Variants in KPNA4 observed in about 807,000 individuals in gnomAD.
The protein encoded by KPNA4 is importin subunit alpha-3.
In KPNA4, 13 loss-of-function variants were observed where a neutral mutation model predicts 71.3. That is an observed-to-expected ratio of 0.18 (90% CI 0.12 to 0.29). The LOEUF is 0.29. Ranked by LOEUF, KPNA4 falls within the 10% of genes least tolerant of loss-of-function variation. KPNA4 has a pLI of 1.00. For missense variants in KPNA4, 334 were observed against 603.2 expected (o/e 0.55, Z 4.67); for synonymous variants, 189 against 195.2 (o/e 0.97, Z 0.26).
intron 16 of KPNA4, among the ~76,000 whole-genome samples, chr3:160,504,020 G>T (rs1720935171): frequency 6.6e-6 from 1 of 152,106 alleles, no homozygotes; most frequent in Admixed American, 6.5e-5. Flanking sequence ...GGAGGGGGAG[G>T]TTGCAGTGAG....
chr3:160,550,548 A>G (rs1722020745), intron 1 of KPNA4, among the ~76,000 whole-genome samples: 1 of 152,208 alleles, frequency 6.6e-6, no homozygotes. Context: ...ACTTATATGC[A>G]TGAGCCAGCA....
rs55735627 is a variant in KPNA4, at chr3:160,525,386, TTGTGTG to T, written c.771+408_771+413del. On this transcript the variant is annotated intron_variant, in intron 10 of 16. Coordinates refer to ENST00000334256, the MANE Select transcript of KPNA4 (RefSeq NM_002268.5). ...TTTCAAAAAACAAAAATAGCACTATTTGTGTGTGCTTTCATTGGCCAAACTGTCAAA... is the reference window on the plus strand; with the variant it reads ...TTTCAAAAAACAAAAATAGCACTATTTGCTTTCATTGGCCAAACTGTCAAA... Among the ~76,000 whole-genome samples, 3 of 151,968 alleles carry T rather than the reference TTGTGTG, an allele frequency of 2.0e-5. No homozygotes were observed. The South Asian group carries it at 6.2e-4, about 31-fold the overall frequency.
At chr3:160,520,343 C>T (rs1050100762) in intron 11 of KPNA4, among the ~76,000 whole-genome samples, 2 of 151,856 alleles carry the variant, frequency 1.3e-5, no homozygotes, top group Non-Finnish European at 2.9e-5. Context: ...CCTCTGCCTC[C>T]TGGGTTCAAG....
intron 11 of KPNA4, among the ~76,000 whole-genome samples, chr3:160,518,947 A>G (rs995336363): frequency 6.6e-6 from 1 of 152,240 alleles, no homozygotes; most frequent in Non-Finnish European, 1.5e-5. Context: ...CTGCATGTCT[A>G]TATTTATGCC....
Position 160,521,997 on chromosome 3 carries a change from C to T in KPNA4, c.772-87G>A, listed in dbSNP as rs567167528. The T allele has an allele frequency of 2.3e-3, 2,556 of 1,102,766 alleles. 77 individuals carry two copies. The South Asian group carries it at 0.035, about 15-fold the overall frequency. 68.3% of individuals were successfully genotyped at this position (1,102,766 alleles called of 1,614,324 possible). ...ACCAAACAACCATTCTAAAATTGTT[C>T]AACTACCTTCTTCCTTCTTTTCTTC... On this transcript the variant is annotated intron_variant, in intron 10 of 16. Transcript: ENST00000334256.
At chr3:160,510,011 A>T in intron 13 of KPNA4, 140 bp from the exon 14 acceptor site, 1 of 636,864 alleles carries the variant, frequency 1.6e-6, no homozygotes, top group South Asian at 1.9e-5. Flanking sequence ...TTTCTTATTA[A>T]GACAGGTCTT....
At chr3:160,562,922 AG>A (rs753478310) in intron 1 of KPNA4, among the ~76,000 whole-genome samples, 1 of 152,240 alleles carries the variant, frequency 6.6e-6, no homozygotes, top group Non-Finnish European at 1.5e-5. Flanking sequence ...GATATGAGGT[AG>A]GAGGAAACAT....
rs115446031 is a variant in KPNA4 at position 160,509,170 on chromosome 3, C to T, written c.1209+630G>A. ...ACAATGTTAAGCTTTGTCACCCGCA[C>T]GACCTGAGAGTGGGTGCCTCTTTCC... On this transcript the variant is annotated intron_variant, in intron 14 of 16. Transcript: ENST00000334256. Among the ~76,000 whole-genome samples the T allele has an allele frequency of 7.4e-3, 1,129 of 152,290 alleles. 16 individuals are homozygous for T. The highest frequency in any genetic ancestry group is 0.025 in the African/African-American group (1,041 of 41,564).
chr3:160,496,113 C>G lies in KPNA4; in HGVS notation c.*5991G>C, dbSNP rs981360957. ...GACCAGCCTGGCCAACGTGGTGAAACCCCATCTCTACTAAAAATACAAAAA... is the reference window on the plus strand; with the variant it reads ...GACCAGCCTGGCCAACGTGGTGAAAGCCCATCTCTACTAAAAATACAAAAA... On this transcript the variant is annotated 3_prime_UTR_variant, in exon 17 of 17. Transcript: ENST00000334256. The G allele has an allele frequency of 6.6e-6, 1 of 152,108 alleles. No individual in the cohort carries two copies. The highest frequency in any genetic ancestry group is 1.5e-5 in the Non-Finnish European group (1 of 68,112). The allele number at this position is 152,108 out of a possible 1,614,324, so 9.4% of individuals were successfully genotyped here.
chr3:160,547,081 C>T (rs1241801246), intron 1 of KPNA4, among the ~76,000 whole-genome samples: 1 of 152,294 alleles, frequency 6.6e-6, no homozygotes, highest in Admixed American at 6.5e-5. Flanking sequence ...GCGACATGTG[C>T]AATCCCAAAT....
chr3:160,510,127 AGTT>A (rs1721061131), intron 13 of KPNA4, among the ~76,000 whole-genome samples: 1 of 152,326 alleles, frequency 6.6e-6, no homozygotes, highest in African/African-American at 2.4e-5. Context: ...GATTAAATGA[AGTT>A]GATGATAAAA....
At chr3:160,513,847 T>C (rs1329698745) in intron 13 of KPNA4, among the ~76,000 whole-genome samples, 2 of 152,042 alleles carry the variant, frequency 1.3e-5, no homozygotes, top group African/African-American at 2.4e-5. Context: ...GCAATTTTGG[T>C]AAAAGAATGA....
At position 160,532,899 on chromosome 3, in the gene KPNA4, T is replaced by A. The variant is rs577051206; in HGVS notation, c.288-1342A>T. Among the ~76,000 whole-genome samples, 29 of 152,330 alleles carry A rather than the reference T, an allele frequency of 1.9e-4. No individual in the cohort carries two copies. The South Asian group carries it at 5.8e-3, about 30-fold the overall frequency. Reference sequence around the variant, plus strand: ...ACTGAACCTATCCTAAACCCCTCACTTGAAATGCCCGGTCTTCTATGTATT... The same window carrying A: ...ACTGAACCTATCCTAAACCCCTCACATGAAATGCCCGGTCTTCTATGTATT... On this transcript the variant is annotated intron_variant, in intron 5 of 16. Coordinates refer to ENST00000334256, the MANE Select transcript of KPNA4 (RefSeq NM_002268.5).
At chr3:160,519,667 C>T (rs1442285232) in intron 11 of KPNA4, among the ~76,000 whole-genome samples, 1 of 151,302 alleles carries the variant, frequency 6.6e-6, no homozygotes, top group Admixed American at 6.6e-5. Context: ...CGGTGGTGGG[C>T]GCCTGTAGTC....
At chr3:160,529,823 A>G in intron 7 of KPNA4, among the ~76,000 whole-genome samples, 1 of 152,124 alleles carries the variant, frequency 6.6e-6, no homozygotes, top group Admixed American at 6.5e-5. Context: ...TACTTTATAG[A>G]AGATTTCTTT....
intron 5 of KPNA4, among the ~76,000 whole-genome samples, chr3:160,533,985 T>C (rs760111086): frequency 3.9e-5 from 6 of 152,222 alleles, no homozygotes; most frequent in Non-Finnish European, 7.3e-5. Flanking sequence ...ATTTGCTATT[T>C]TGCAATGTGA....
rs1344861219 is a variant in KPNA4, at chr3:160,536,835, C to T, written c.75G>A (p.Met25Ile). ...FKNKGRDLET[M>I]RRQRNEVVVE... is the part of the protein sequence containing the mutation. ...CTACAACTTCATTTCGTTGTCTTCT[C>T]ATAGTCTACAAAAAAATTAAAGGAA... is the stretch of plus-strand genomic sequence containing the variant. Residue 25 changes from methionine to isoleucine, a missense_variant, in exon 2 of 17, where the codon ATG becomes ATA. Met to Ile is a conservative substitution (Grantham distance 10, BLOSUM62 1). Coordinates refer to ENST00000334256, the MANE Select transcript of KPNA4 (RefSeq NM_002268.5). The T allele has an allele frequency of 6.4e-7, 1 of 1,567,298 alleles. No homozygotes were observed. The highest frequency in any genetic ancestry group is 2.3e-5 in the East Asian group (1 of 44,126).
chr3:160,518,474 C>T (rs113712842), intron 11 of KPNA4, among the ~76,000 whole-genome samples: 2 of 151,272 alleles, frequency 1.3e-5, no homozygotes, highest in African/African-American at 4.9e-5. Flanking sequence ...TGGGGTCCAA[C>T]TTCATTATTT....
intron 16 of KPNA4, among the ~76,000 whole-genome samples, chr3:160,503,154 C>A (rs923724633): frequency 2.0e-5 from 3 of 151,544 alleles, no homozygotes; most frequent in Non-Finnish European, 4.4e-5. Flanking sequence ...AACAAAAAAA[C>A]CCCGGGCAAG....
Sources: gnomAD v4.1 joint callset for allele counts (sites outside exome capture counted in the v4.1 genomes callset) on GRCh38, gnomAD v4.1.1 for gene constraint, MANE v1.5 for transcripts, NCBI Gene and HGNC (gene_info 2026-07-23, HGNC 2026-07-21) for gene names.